Variants in MTUS1 observed in about 807,000 individuals in gnomAD.
MTUS1 encodes microtubule associated scaffold protein 1, also known as microtubule-associated tumor suppressor 1.
MTUS1 carries 109 observed loss-of-function variants against 120.8 expected under a neutral mutation model. The ratio of observed to expected loss-of-function variants is 0.90; its 90% CI spans 0.77 to 1.06. The LOEUF (loss-of-function observed/expected upper bound fraction) is 1.06, where lower values mean the gene tolerates loss of function less well. Ranked by LOEUF, MTUS1 falls within the 50% of genes least tolerant of loss-of-function variation. MTUS1 has a pLI of 0.00. For missense variants in MTUS1, 2,210 were observed against 1,486.3 expected (o/e 1.49, Z -8.01); for synonymous variants, 737 against 550.5 (o/e 1.34, Z -4.74).
intron 12 of MTUS1, among the ~76,000 whole-genome samples, chr8:17,652,598 T>C (rs887990389): frequency 5.3e-5 from 8 of 151,994 alleles, no homozygotes. Context: ...TTTATGAATA[T>C]ACTAAAAGCC....
At chr8:17,728,394 C>T (rs1482721094) in intron 3 of MTUS1, among the ~76,000 whole-genome samples, 6 of 152,262 alleles carry the variant, frequency 3.9e-5, no homozygotes, top group Non-Finnish European at 7.4e-5. Flanking sequence ...TGTGAGCCAC[C>T]GTGCCTGGCC....
intron 3 of MTUS1, among the ~76,000 whole-genome samples, chr8:17,737,673 G>T (rs79683247): frequency 2.0e-5 from 3 of 152,080 alleles, no homozygotes; most frequent in Non-Finnish European, 4.4e-5. Context: ...GTTTTGTAAA[G>T]ACAGGGTCTC....
At position 17,693,436 on chromosome 8, in the gene MTUS1, A is replaced by G. The variant is rs897322510; in HGVS notation, c.2624-8894T>C. The G allele has an allele frequency of 1.9e-4, 29 of 152,262 alleles. 1 individual carries two copies. Among genetic ancestry groups the G allele is most frequent in the Admixed American group, 1.3e-3 (20 of 15,290 alleles). 9.4% of individuals were successfully genotyped at this position (152,262 alleles called of 1,614,324 possible). A position where few individuals can be genotyped will look rare whatever the true frequency, so the allele number is the denominator to read the frequency against. ...GTGATGGATACCACCCAGTAATAATATATCAGAGTGCCCAGTGCCCTCTGC... is the reference window on the plus strand; with the variant it reads ...GTGATGGATACCACCCAGTAATAATGTATCAGAGTGCCCAGTGCCCTCTGC... On this transcript the variant is annotated intron_variant, in intron 6 of 14. Coordinates refer to ENST00000693296, the MANE Select transcript of MTUS1 (RefSeq NM_001363059.2).
chr8:17,703,159 C>T (rs112190041), intron 6 of MTUS1, among the ~76,000 whole-genome samples: 28 of 152,224 alleles, frequency 1.8e-4, no homozygotes, highest in Admixed American at 9.2e-4. Context: ...CCTGCGCGGT[C>T]GGGCAGAATA....
intron 6 of MTUS1, among the ~76,000 whole-genome samples, chr8:17,699,368 C>T (rs1021062829): frequency 6.6e-6 from 1 of 152,138 alleles, no homozygotes; most frequent in Non-Finnish European, 1.5e-5. Context: ...GTGCCCGCCA[C>T]CATGCCTGGC....
rs555259633 is a variant in MTUS1, at chr8:17,711,455, T to G, written c.2623+1759A>C. 6.6e-3 allele frequency among the ~76,000 whole-genome samples: 729 copies of G among 110,506 alleles called. 7 individuals are homozygous for G. The highest frequency in any genetic ancestry group is 0.022 in the African/African-American group (692 of 31,960). 72.5% of individuals were successfully genotyped at this position (110,506 alleles called of 152,430 possible). A position where few individuals can be genotyped will look rare whatever the true frequency, so the allele number is the denominator to read the frequency against. ...AACCAACCTCTGCTAGCTTCCAGCTTTTTTTTTTCTGCAGCTCCCTCACCT... is the reference window on the plus strand; with the variant it reads ...AACCAACCTCTGCTAGCTTCCAGCTGTTTTTTTTCTGCAGCTCCCTCACCT... On this transcript the variant is annotated intron_variant, in intron 6 of 14. Coordinates refer to ENST00000693296, the MANE Select transcript of MTUS1 (RefSeq NM_001363059.2).
intron 4 of MTUS1, 119 bp downstream of exon 4, chr8:17,723,553 C>A (rs2045983049): frequency 1.0e-6 from 1 of 1,000,920 alleles, no homozygotes; most frequent in East Asian, 2.5e-5. Context: ...TCCAAGGAAG[C>A]AGTATGCCTA....
intron 1 of MTUS1, among the ~76,000 whole-genome samples, chr8:17,776,675 T>G (rs909502000): frequency 1.8e-5 from 1 of 55,164 alleles, no homozygotes; most frequent in African/African-American, 7.7e-5. Flanking sequence ...TGAGACTCTG[T>G]CTCAAAAAAA....
At chr8:17,697,459 C>G in intron 6 of MTUS1, 1 of 1,516,968 alleles carries the variant, frequency 6.6e-7, no homozygotes, top group Non-Finnish European at 8.9e-7. Flanking sequence ...ACTCAGTACT[C>G]TTCAAGGCCA....
At chr8:17,776,206 C>G (rs1465694017) in intron 1 of MTUS1, among the ~76,000 whole-genome samples, 2 of 151,998 alleles carry the variant, frequency 1.3e-5, no homozygotes, top group Non-Finnish European at 2.9e-5. Flanking sequence ...TTACATAGCA[C>G]TTACATTAGG....
chr8:17,756,801 G>A (rs2048659955), intron 1 of MTUS1, among the ~76,000 whole-genome samples: 1 of 151,992 alleles, frequency 6.6e-6, no homozygotes, highest in Non-Finnish European at 1.5e-5. Context: ...AGTGACACCA[G>A]AATGCTCTCC....
intron 1 of MTUS1, among the ~76,000 whole-genome samples, chr8:17,785,487 T>C (rs775784068): frequency 2.0e-5 from 3 of 152,198 alleles, no homozygotes; most frequent in Non-Finnish European, 2.9e-5. Context: ...AGCTTTAATT[T>C]TGCCAAGAGG....
chr8:17,778,368 T>C (rs188975684), intron 1 of MTUS1, among the ~76,000 whole-genome samples: 126 of 152,312 alleles, frequency 8.3e-4, no homozygotes, highest in Middle Eastern at 6.8e-3. Context: ...GGGCAAAGAC[T>C]GAAAGGGGCA....
intron 1 of MTUS1, among the ~76,000 whole-genome samples, chr8:17,784,295 G>GTTTTTTT (rs34896566): frequency 8.0e-6 from 1 of 125,422 alleles, no homozygotes. Context: ...TCTTACAACT[G>GTTTTTTT]TTTTTTTTTT....
chr8:17,795,134 A>T (rs913901740), intron 1 of MTUS1, among the ~76,000 whole-genome samples: 4 of 152,228 alleles, frequency 2.6e-5, no homozygotes, highest in African/African-American at 9.6e-5. Flanking sequence ...CCATGTTTCC[A>T]ATGTACAAAA....
At chr8:17,775,685 G>A (rs1379961838) in intron 1 of MTUS1, among the ~76,000 whole-genome samples, 5 of 152,200 alleles carry the variant, frequency 3.3e-5, no homozygotes, top group African/African-American at 7.2e-5. Context: ...CAAGTATGCT[G>A]ACAAAGATGT....
intron 6 of MTUS1, among the ~76,000 whole-genome samples, chr8:17,691,142 C>T (rs1816863456): frequency 6.6e-6 from 1 of 152,172 alleles, no homozygotes; most frequent in Admixed American, 6.5e-5. Flanking sequence ...CTGAATGCAA[C>T]TCTAAACCGT....
chr8:17,727,479 C>T (rs575036857), intron 3 of MTUS1, among the ~76,000 whole-genome samples: 5 of 152,278 alleles, frequency 3.3e-5, no homozygotes, highest in Admixed American at 2.0e-4. Flanking sequence ...GCTCCTACAG[C>T]GGAATGGTGA....
chr8:17,801,167 G>C (rs1261869955), upstream of MTUS1, among the ~76,000 whole-genome samples: 3 of 151,524 alleles, frequency 2.0e-5, no homozygotes, highest in African/African-American at 7.3e-5. Context: ...GAGGTCTCGG[G>C]GGCGGCGTCT....
Sources: allele counts gnomAD v4.1 joint callset (sites outside exome capture counted in the v4.1 genomes callset), GRCh38; gene constraint gnomAD v4.1.1; transcripts MANE v1.5; gene names NCBI Gene and HGNC (gene_info 2026-07-23, HGNC 2026-07-21).